Variants in UTRN observed in about 807,000 individuals in gnomAD.
UTRN encodes the protein utrophin.
In UTRN, 283 loss-of-function variants were observed where a neutral mutation model predicts 463.9. The ratio of observed to expected loss-of-function variants is 0.61; its 90% CI spans 0.55 to 0.67. The LOEUF is 0.67. Ranked by LOEUF, UTRN falls within the 30% of genes least tolerant of loss-of-function variation. The probability of loss-of-function intolerance (pLI) is 0.00; values close to 1 mark genes in which losing one functional copy is unlikely to be tolerated. For synonymous variants in UTRN, 1,442 were observed against 1,431.5 expected (o/e 1.01, Z -0.17); for missense variants, 3,922 against 4,084.3 (o/e 0.96, Z 1.08).
At position 144,550,957 on chromosome 6, in the gene UTRN, C is replaced by T. The variant is rs1438158972; in HGVS notation, c.6811-8C>T. On this transcript the variant is annotated splice_region_variant and splice_polypyrimidine_tract_variant and intron_variant, in intron 47 of 74. Coordinates refer to ENST00000367545, the MANE Select transcript of UTRN (RefSeq NM_007124.3). Reference sequence around the variant, plus strand: ...TAACCTATCCGAATAATCATTTCTACTTAACAGATTACAAAGGCTGACTTA... The same window carrying T: ...TAACCTATCCGAATAATCATTTCTATTTAACAGATTACAAAGGCTGACTTA... The T allele has an allele frequency of 6.3e-7, 1 of 1,586,650 alleles. No individual in the cohort carries two copies. Among genetic ancestry groups the T allele is most frequent in the Non-Finnish European group, 8.5e-7 (1 of 1,170,396 alleles).
At chr6:144,850,835 A>G (rs922975017) in intron 74 of UTRN, among the ~76,000 whole-genome samples, 154 bp from the exon 75 acceptor site, 4 of 152,222 alleles carry the variant, frequency 2.6e-5, no homozygotes, top group African/African-American at 9.6e-5. Flanking sequence ...TAACTTCAGC[A>G]TGAGAGGGAG....
intron 2 of UTRN, among the ~76,000 whole-genome samples, chr6:144,370,555 G>T (rs1241187406): frequency 6.6e-6 from 1 of 152,230 alleles, no homozygotes; most frequent in Non-Finnish European, 1.5e-5. Flanking sequence ...CAGCGTGGAA[G>T]GGACACGTGA....
intron 51 of UTRN, among the ~76,000 whole-genome samples, chr6:144,609,936 AAG>A (rs1360156098): frequency 6.6e-6 from 1 of 152,142 alleles, no homozygotes; most frequent in African/African-American, 2.4e-5. Flanking sequence ...AATTAGCAGA[AAG>A]GGGGAAATTT....
At chr6:144,811,429 G>A (rs1415190317) in intron 65 of UTRN, among the ~76,000 whole-genome samples, 6 of 152,082 alleles carry the variant, frequency 3.9e-5, no homozygotes, top group Non-Finnish European at 8.8e-5. Context: ...CTGAAGTGGT[G>A]TTTCAGCTCC....
At chr6:144,840,866 C>T (rs369640076) in intron 73 of UTRN, 34 bp downstream of exon 73, 18 of 1,593,508 alleles carry the variant, frequency 1.1e-5, no homozygotes, top group African/African-American at 4.0e-5. Flanking sequence ...CACAGCTGCA[C>T]GTGTTCCTTC....
chr6:144,516,681 G>T (rs1457619009), intron 38 of UTRN, 130 bp from the exon 39 acceptor site: 4 of 726,812 alleles, frequency 5.5e-6, no homozygotes, highest in South Asian at 5.1e-5. Flanking sequence ...TAAATTTTTT[G>T]ATCGTTCAGG....
chr6:144,396,055 C>T (rs553383895), intron 2 of UTRN, among the ~76,000 whole-genome samples: 20 of 152,160 alleles, frequency 1.3e-4, no homozygotes, highest in South Asian at 8.3e-4. Flanking sequence ...GAACTGAAAT[C>T]GGGAACTCAG....
rs1787828477 is a variant in UTRN, at chr6:144,447,640, G to A, written c.1761G>A (p.Leu587=). The A allele has an allele frequency of 6.2e-7, 1 of 1,613,768 alleles. No homozygotes were observed. Among genetic ancestry groups the A allele is most frequent in the Non-Finnish European group, 8.5e-7 (1 of 1,179,880 alleles). ...KEDMEMKRQT[L]DQLSEIGQDV... ...ACATGGAAATGAAGCGTCAAACATT[G>A]GATCAGCTGAGTGAGATTGGCCAGG... The change falls in exon 16 of 75, where the codon TTG becomes TTA. Residue 587 remains leucine (L), a synonymous_variant. Coordinates refer to ENST00000367545, the MANE Select transcript of UTRN (RefSeq NM_007124.3).
chr6:144,700,400 C>T (rs1784463986), intron 53 of UTRN, among the ~76,000 whole-genome samples, 157 bp downstream of exon 53: 1 of 151,612 alleles, frequency 6.6e-6, no homozygotes, highest in Non-Finnish European at 1.5e-5. Context: ...ATTTAAAGTG[C>T]ATACATTGTT....
chr6:144,485,369 AT>A lies in UTRN; in HGVS notation c.3688-11del, dbSNP rs1792335455. On this transcript the variant is annotated splice_polypyrimidine_tract_variant and intron_variant, in intron 27 of 74. Transcript: ENST00000367545. ...GAAATGGCTTTTTGTCTAATTTAAAATTTTTCATGCTTTAGGAGGTCTGGTC... is the reference window on the plus strand; with the variant it reads ...GAAATGGCTTTTTGTCTAATTTAAAATTTTCATGCTTTAGGAGGTCTGGTC... The A allele has an allele frequency of 6.2e-7, 1 of 1,613,382 alleles. No homozygotes were observed. Among genetic ancestry groups the A allele is most frequent in the African/African-American group, 1.3e-5 (1 of 74,834 alleles).
At chr6:144,584,857 G>A (rs12196635) in intron 51 of UTRN, among the ~76,000 whole-genome samples, 5,523 of 152,152 alleles carry the variant, frequency 0.036, 265 homozygotes, top group African/African-American at 0.11. Flanking sequence ...CTCTACTTCA[G>A]TGGATAAGTT....
intron 73 of UTRN, among the ~76,000 whole-genome samples, chr6:144,841,465 C>CTTACT (rs1484853885): frequency 3.3e-5 from 5 of 152,126 alleles, no homozygotes; most frequent in Non-Finnish European, 5.9e-5. Context: ...TATAATAATT[C>CTTACT]TTACTTATTC....
chr6:144,305,179 G>C (rs1300833420), intron 2 of UTRN, among the ~76,000 whole-genome samples: 2 of 152,092 alleles, frequency 1.3e-5, no homozygotes, highest in Non-Finnish European at 2.9e-5. Context: ...GATTTAGGTT[G>C]TATTTTAAAG....
At chr6:144,508,447 G>T (rs149260815) in intron 34 of UTRN, among the ~76,000 whole-genome samples, 107 of 152,268 alleles carry the variant, frequency 7.0e-4, no homozygotes, top group African/African-American at 2.5e-3. Context: ...TATCTTGGCT[G>T]GATAGCACCG....
In UTRN at chr6:144,425,659, C is replaced by T. The variant is rs188261873; in HGVS notation, c.406-628C>T. Among the ~76,000 whole-genome samples, 82 of 152,148 alleles carry T rather than the reference C, an allele frequency of 5.4e-4. 3 individuals are homozygous for T. The highest frequency in any genetic ancestry group is 1.5e-5 in the Non-Finnish European group (1 of 68,000). Reference sequence around the variant, plus strand: ...ATTCATTTATGTATCAGTATAGATTCATGGACATTTGCATAGGTTTATGAT... The same window carrying T: ...ATTCATTTATGTATCAGTATAGATTTATGGACATTTGCATAGGTTTATGAT... On this transcript the variant is annotated intron_variant, in intron 6 of 74. Transcript: ENST00000367545.
chr6:144,803,732 A>C (rs2128747516), intron 65 of UTRN, among the ~76,000 whole-genome samples: 1 of 152,142 alleles, frequency 6.6e-6, no homozygotes, highest in African/African-American at 2.4e-5. Flanking sequence ...TTGGACATAT[A>C]GTTTATTTTC....
chr6:144,535,612 A>G (rs1797460419), intron 43 of UTRN, among the ~76,000 whole-genome samples: 1 of 152,226 alleles, frequency 6.6e-6, no homozygotes, highest in Non-Finnish European at 1.5e-5. Flanking sequence ...TTTGTAAATT[A>G]ACGCTAAACT....
chr6:144,539,594 G>A, intron 45 of UTRN, 151 bp downstream of exon 45: 11 of 759,812 alleles, frequency 1.4e-5, no homozygotes, highest in East Asian at 3.0e-5. Context: ...ATCTGTCATA[G>A]ACAGAGGCAT....
chr6:144,661,518 A>G (rs1779863543), intron 51 of UTRN, among the ~76,000 whole-genome samples: 1 of 152,170 alleles, frequency 6.6e-6, no homozygotes, highest in Non-Finnish European at 1.5e-5. Context: ...TCCTGAGAGT[A>G]AAAGACGGTT....
Sources: allele counts gnomAD v4.1 joint callset (sites outside exome capture counted in the v4.1 genomes callset), GRCh38; gene constraint gnomAD v4.1.1; transcripts MANE v1.5; gene names NCBI Gene and HGNC (gene_info 2026-07-23, HGNC 2026-07-21).